Variants in TRPM3 observed in about 807,000 individuals in gnomAD.
TRPM3 encodes transient receptor potential cation channel subfamily M member 3, also known as long transient receptor potential channel 3.
In TRPM3, 77 loss-of-function variants were observed where a neutral mutation model predicts 181.2. The ratio of observed to expected loss-of-function variants is 0.42; its 90% CI spans 0.35 to 0.51. TRPM3 has a LOEUF of 0.51. TRPM3 is among the 20% of genes least tolerant of loss of function. TRPM3 has a pLI of 0.01. For synonymous variants in TRPM3, 745 were observed against 796.4 expected (o/e 0.94, Z 1.09); for missense variants, 1,759 against 2,196.7 (o/e 0.80, Z 3.98).
chr9:71,142,150 C>A (rs2075141113), intron 1 of TRPM3, among the ~76,000 whole-genome samples: 1 of 152,094 alleles, frequency 6.6e-6, no homozygotes, highest in Admixed American at 6.6e-5. Flanking sequence ...TTTATCTCAT[C>A]CCTTGTTTGT....
chr9:71,124,067 A>T (rs184913010), upstream of TRPM3, among the ~76,000 whole-genome samples: 4 of 152,272 alleles, frequency 2.6e-5, no homozygotes, highest in African/African-American at 9.6e-5. Flanking sequence ...TAGAGGAGAA[A>T]AGCACAAAAC....
intron 1 of TRPM3, among the ~76,000 whole-genome samples, chr9:71,176,019 A>C (rs74357007): frequency 0.021 from 3,170 of 152,246 alleles, 122 homozygotes; most frequent in African/African-American, 0.073. Context: ...CAGACCTACT[A>C]TGCTGCCAGC....
intron 1 of TRPM3, among the ~76,000 whole-genome samples, chr9:71,435,761 CAT>C (rs1201499250): frequency 6.6e-6 from 1 of 152,188 alleles, no homozygotes; most frequent in Non-Finnish European, 1.5e-5. Context: ...TGCTACTTTA[CAT>C]GTCAATGGGG....
chr9:71,215,047 C>G (rs28712633), intron 1 of TRPM3, among the ~76,000 whole-genome samples: 83 of 112,604 alleles, frequency 7.4e-4, no homozygotes, highest in African/African-American at 2.0e-3. Context: ...AAAAAAAAAA[C>G]AAAAAAAAAA....
chr9:71,358,173 GT>G (rs1259893054), intron 1 of TRPM3, among the ~76,000 whole-genome samples: 1 of 152,126 alleles, frequency 6.6e-6, no homozygotes, highest in Non-Finnish European at 1.5e-5. Context: ...TGGCAAAATA[GT>G]CTGAAAGCTC....
rs531300519 is a variant in TRPM3 at position 71,353,538 on chromosome 9, T to C, written c.183+93115A>G. On this transcript the variant is annotated intron_variant, in intron 1 of 24. Coordinates refer to the TRPM3 transcript ENST00000357533. Reference sequence around the variant, plus strand: ...TCAGGGCATCTCATCACTACCTGTGTTGCCTAGGGCGAATGACTTCAACCT... The same window carrying C: ...TCAGGGCATCTCATCACTACCTGTGCTGCCTAGGGCGAATGACTTCAACCT... Among the ~76,000 whole-genome samples, 84 of 152,304 alleles carry C rather than the reference T, an allele frequency of 5.5e-4. 1 individual carries two copies. The highest frequency in any genetic ancestry group is 2.0e-3 in the African/African-American group (84 of 41,586).
chr9:70,777,986 GACACAGACACAC>G (rs2081745862), intron 7 of TRPM3, among the ~76,000 whole-genome samples: 1 of 149,218 alleles, frequency 6.7e-6, no homozygotes. Flanking sequence ...AAATTTAACA[GACACAGACACAC>G]ACACACACAC....
intron 1 of TRPM3, among the ~76,000 whole-genome samples, chr9:71,412,582 A>C (rs1476911719): frequency 1.1e-4 from 17 of 152,214 alleles, no homozygotes; most frequent in Non-Finnish European, 7.3e-5. Context: ...GGCAATCATT[A>C]AAAAGTCAGG....
chr9:71,329,761 T>A (rs2132524786), intron 1 of TRPM3, among the ~76,000 whole-genome samples: 1 of 152,288 alleles, frequency 6.6e-6, no homozygotes, highest in African/African-American at 2.4e-5. Context: ...GATATATGCC[T>A]GGCCCTAGGA....
At chr9:71,284,102 A>G (rs912587577) in intron 1 of TRPM3, among the ~76,000 whole-genome samples, 8 of 131,340 alleles carry the variant, frequency 6.1e-5, no homozygotes, top group African/African-American at 2.3e-4. Flanking sequence ...CACCTGTAGT[A>G]CCAGCTTCAA....
chr9:70,554,150 C>G (rs1489277222), intron 22 of TRPM3, among the ~76,000 whole-genome samples: 1 of 152,058 alleles, frequency 6.6e-6, no homozygotes, highest in Non-Finnish European at 1.5e-5. Flanking sequence ...GCTAATGAGG[C>G]CTGCTTGGAA....
chr9:70,837,500 A>G (rs1488184610), intron 5 of TRPM3, among the ~76,000 whole-genome samples: 1 of 152,210 alleles, frequency 6.6e-6, no homozygotes, highest in Non-Finnish European at 1.5e-5. Flanking sequence ...TAAAATGGAA[A>G]GTGCTTTGTC....
At chr9:71,183,710 T>A (rs1264738434) in intron 1 of TRPM3, among the ~76,000 whole-genome samples, 1 of 152,130 alleles carries the variant, frequency 6.6e-6, no homozygotes, top group Non-Finnish European at 1.5e-5. Flanking sequence ...TTGCAGCTAA[T>A]AAAACTGCTC....
intron 1 of TRPM3, among the ~76,000 whole-genome samples, chr9:71,245,425 G>A (rs1166824692): frequency 1.4e-5 from 2 of 138,462 alleles, no homozygotes; most frequent in African/African-American, 5.5e-5. Context: ...GTCTGGGTGA[G>A]AGAGCGAGAC....
intron 1 of TRPM3, among the ~76,000 whole-genome samples, chr9:70,928,431 T>A (rs1459546360): frequency 6.6e-6 from 1 of 152,212 alleles, no homozygotes; most frequent in Admixed American, 6.5e-5. Context: ...GCCACAGTGT[T>A]AGATCAATGT....
intron 1 of TRPM3, among the ~76,000 whole-genome samples, chr9:71,169,300 C>A (rs116441861): frequency 6.6e-6 from 1 of 152,162 alleles, no homozygotes; most frequent in Non-Finnish European, 1.5e-5. Context: ...CTCCAGTCTG[C>A]AATACATGCT....
chr9:71,399,538 T>TTTTTTTTTTTTA (rs2093289629), intron 1 of TRPM3, among the ~76,000 whole-genome samples: 1 of 142,352 alleles, frequency 7.0e-6, no homozygotes. Flanking sequence ...TTTTTTTTTT[T>TTTTTTTTTTTTA]TTTTTTTTGA....
intron 8 of TRPM3, among the ~76,000 whole-genome samples, chr9:70,693,744 C>T (rs1261261590): frequency 1.3e-5 from 2 of 152,180 alleles, no homozygotes; most frequent in Non-Finnish European, 2.9e-5. Flanking sequence ...CTTGGTTTAC[C>T]TCTCTGGGGA....
chr9:71,034,588 T>C (rs1338096828), intron 1 of TRPM3, among the ~76,000 whole-genome samples: 1 of 151,694 alleles, frequency 6.6e-6, no homozygotes, highest in African/African-American at 2.4e-5. Context: ...GGGGTGGAGG[T>C]GGGCAGTGGT....
Sources: gnomAD v4.1 joint callset for allele counts (sites outside exome capture counted in the v4.1 genomes callset) on GRCh38, gnomAD v4.1.1 for gene constraint, MANE v1.5 for transcripts, NCBI Gene and HGNC (gene_info 2026-07-23, HGNC 2026-07-21) for gene names.